Variants in ADARB2 observed in about 807,000 individuals in gnomAD.
The protein encoded by ADARB2 is adenosine deaminase RNA specific B2 (inactive).
ADARB2 carries 25 observed loss-of-function variants against 62.2 expected under a neutral mutation model. The ratio of observed to expected loss-of-function variants is 0.40; its 90% CI spans 0.29 to 0.56. ADARB2 has a LOEUF of 0.56. ADARB2 is among the 20% of genes least tolerant of loss of function. The pLI is 0.43. For missense variants in ADARB2, 1,071 were observed against 1,077.4 expected (o/e 0.99, Z 0.08); for synonymous variants, 572 against 500.8 (o/e 1.14, Z -1.90).
At chr10:1,449,672 T>G (rs1470287793) in intron 1 of ADARB2, among the ~76,000 whole-genome samples, 1 of 152,070 alleles carries the variant, frequency 6.6e-6, no homozygotes, top group African/African-American at 2.4e-5. Context: ...TGGGAAGAAA[T>G]TCAATGTATT....
intron 1 of ADARB2, among the ~76,000 whole-genome samples, chr10:1,705,395 C>T (rs1235506742): frequency 1.3e-5 from 2 of 152,068 alleles, no homozygotes; most frequent in Admixed American, 6.5e-5. Context: ...CCTGGGGGAC[C>T]GGAGAGGACG....
intron 1 of ADARB2, among the ~76,000 whole-genome samples, chr10:1,683,654 C>A (rs998162935): frequency 1.3e-5 from 2 of 152,090 alleles, no homozygotes; most frequent in Non-Finnish European, 2.9e-5. Flanking sequence ...CGAGTCAGAG[C>A]GGGTCATGGC....
At chr10:1,666,481 C>A (rs1392214102) in intron 1 of ADARB2, among the ~76,000 whole-genome samples, 1 of 152,338 alleles carries the variant, frequency 6.6e-6, no homozygotes, top group East Asian at 1.9e-4. Flanking sequence ...ATCGTGTTCC[C>A]GCAGGAAAGC....
chr10:1,285,999 T>C (rs2805568), intron 3 of ADARB2, among the ~76,000 whole-genome samples: 85,608 of 149,996 alleles, frequency 0.57, 24,487 homozygotes, highest in South Asian at 0.78. Flanking sequence ...GGTGGGGCAA[T>C]GCGGAATCCA....
At chr10:1,618,540 G>C (rs956453413) in intron 1 of ADARB2, among the ~76,000 whole-genome samples, 1 of 110,424 alleles carries the variant, frequency 9.1e-6, no homozygotes, top group East Asian at 2.5e-4. Flanking sequence ...AGTGTCACTA[G>C]GTTTAAAAAT....
chr10:1,188,673 A>C (rs1836797201), intron 8 of ADARB2, among the ~76,000 whole-genome samples: 1 of 144,762 alleles, frequency 6.9e-6, no homozygotes, highest in South Asian at 2.1e-4. Context: ...TTTCCTGAAT[A>C]CTCACACAGG....
At chr10:1,639,316 G>C (rs1353964924) in intron 1 of ADARB2, among the ~76,000 whole-genome samples, 1 of 152,250 alleles carries the variant, frequency 6.6e-6, no homozygotes, top group East Asian at 1.9e-4. Context: ...AGCCTGCTCT[G>C]TGGTCAGTCA....
chr10:1,705,291 C>A (rs1834874530), intron 1 of ADARB2, among the ~76,000 whole-genome samples: 1 of 152,158 alleles, frequency 6.6e-6, no homozygotes, highest in South Asian at 2.1e-4. Context: ...CCTCTGCCCA[C>A]TCTATGCCGG....
intron 3 of ADARB2, among the ~76,000 whole-genome samples, chr10:1,301,560 C>CTCTCTG (rs1242975621): frequency 1.3e-5 from 1 of 79,760 alleles, no homozygotes; most frequent in Non-Finnish European, 2.7e-5. Context: ...CTTCTCTCTT[C>CTCTCTG]TCTCTCTCTC....
intron 4 of ADARB2, among the ~76,000 whole-genome samples, chr10:1,268,206 AG>A (rs1236547935): frequency 6.6e-6 from 1 of 152,250 alleles, no homozygotes; most frequent in East Asian, 1.9e-4. Flanking sequence ...AGAAGTATGT[AG>A]TACTTAGAAT....
At chr10:1,560,741 G>A (rs1481429985) in intron 1 of ADARB2, among the ~76,000 whole-genome samples, 1 of 152,180 alleles carries the variant, frequency 6.6e-6, no homozygotes, top group African/African-American at 2.4e-5. Context: ...CGAGGATGTC[G>A]GAGCAGACGC....
At chr10:1,327,665 T>A (rs559548150) in intron 3 of ADARB2, among the ~76,000 whole-genome samples, 6 of 70,630 alleles carry the variant, frequency 8.5e-5, no homozygotes, top group African/African-American at 3.0e-4. Context: ...GCCTCCGCAC[T>A]GCACAGCGCC....
chr10:1,388,293 G>T (rs771930868), intron 1 of ADARB2, among the ~76,000 whole-genome samples: 69 of 152,088 alleles, frequency 4.5e-4, no homozygotes, highest in Non-Finnish European at 6.2e-4. Flanking sequence ...TGACGAAAGA[G>T]TGAATGATTT....
At chr10:1,565,164 G>A (rs1415079055) in intron 1 of ADARB2, among the ~76,000 whole-genome samples, 1 of 152,198 alleles carries the variant, frequency 6.6e-6, no homozygotes, top group East Asian at 1.9e-4. Flanking sequence ...CTCTCATTGT[G>A]CTCTGGCCTG....
At chr10:1,687,932 T>A (rs553301707) in intron 1 of ADARB2, among the ~76,000 whole-genome samples, 2 of 152,310 alleles carry the variant, frequency 1.3e-5, no homozygotes, top group African/African-American at 4.8e-5. Context: ...AGTTGAAATG[T>A]TTGCTTGTCA....
At position 1,183,071 on chromosome 10, in the gene ADARB2, G is replaced by C; in HGVS notation, c.*122C>G. 8 of 1,136,540 alleles carry C rather than the reference G, an allele frequency of 7.0e-6. No homozygotes were observed. The highest frequency in any genetic ancestry group is 8.7e-6 in the Non-Finnish European group (7 of 807,954). 70.4% of individuals were successfully genotyped at this position (1,136,540 alleles called of 1,614,324 possible). Reference sequence around the variant, plus strand: ...GCTCGTCCAAACATTGCACACTCGCGTGTTTCTGGGACACCAAAGTAAAAC... The same window carrying C: ...GCTCGTCCAAACATTGCACACTCGCCTGTTTCTGGGACACCAAAGTAAAAC... On this transcript the variant is annotated 3_prime_UTR_variant, in exon 10 of 10. Coordinates refer to ENST00000381312, the MANE Select transcript of ADARB2 (RefSeq NM_018702.4).
At chr10:1,331,895 A>C (rs770450537) in intron 3 of ADARB2, among the ~76,000 whole-genome samples, 1 of 152,206 alleles carries the variant, frequency 6.6e-6, no homozygotes, top group Non-Finnish European at 1.5e-5. Context: ...GGAATTATTC[A>C]GAGAGCTTTT....
intron 1 of ADARB2, among the ~76,000 whole-genome samples, chr10:1,689,488 G>A (rs989876200): frequency 2.6e-5 from 4 of 152,120 alleles, no homozygotes; most frequent in African/African-American, 9.7e-5. Flanking sequence ...GTCCCTCTCT[G>A]GGGTTCTTTA....
intron 9 of ADARB2, among the ~76,000 whole-genome samples, chr10:1,184,107 A>G (rs1014025430): frequency 6.6e-6 from 1 of 152,216 alleles, no homozygotes; most frequent in African/African-American, 2.4e-5. Context: ...CTCAGAGCTA[A>G]TATGTGCAAT....
Sources: gnomAD v4.1 joint callset for allele counts (sites outside exome capture counted in the v4.1 genomes callset) on GRCh38, gnomAD v4.1.1 for gene constraint, MANE v1.5 for transcripts, NCBI Gene and HGNC (gene_info 2026-07-23, HGNC 2026-07-21) for gene names.